The following CSMD1 variants were observed in gnomAD, a reference collection of about 807,000 sequenced individuals.
CSMD1 encodes the protein CUB and Sushi multiple domains 1.
CSMD1 carries 213 observed loss-of-function variants against 417.5 expected under a neutral mutation model. That is an observed-to-expected ratio of 0.51 (90% confidence interval 0.46 to 0.57). The LOEUF (loss-of-function observed/expected upper bound fraction) is 0.57, where lower values mean the gene tolerates loss of function less well. CSMD1 is among the 20% of genes least tolerant of loss of function. The pLI is 0.00. For missense variants in CSMD1, 6,923 were observed against 4,529.7 expected (o/e 1.53, Z -15.17); for synonymous variants, 2,862 against 1,736.8 (o/e 1.65, Z -16.11).
chr8:4,056,533 T>G (rs1261452311), intron 3 of CSMD1, among the ~76,000 whole-genome samples: 6 of 151,568 alleles, frequency 4.0e-5, no homozygotes, highest in African/African-American at 1.5e-4. Flanking sequence ...TAATTTCAAT[T>G]TTATTATTAT....
At chr8:3,128,188 C>T (rs1186214590) in intron 41 of CSMD1, 1 of 152,094 alleles carries the variant, frequency 6.6e-6, no homozygotes, top group African/African-American at 2.4e-5. Context: ...AAAAAAATAA[C>T]TATTATTCAC....
chr8:2,960,401 G>A (rs746496124), intron 62 of CSMD1, among the ~76,000 whole-genome samples: 2 of 152,144 alleles, frequency 1.3e-5, no homozygotes, highest in African/African-American at 2.4e-5. Flanking sequence ...GAGGAAGAAG[G>A]TTTTTTATTC....
At chr8:4,685,444 A>T (rs1020923349) in intron 1 of CSMD1, among the ~76,000 whole-genome samples, 1 of 151,944 alleles carries the variant, frequency 6.6e-6, no homozygotes, top group African/African-American at 2.4e-5. Context: ...GTGTGGTGGC[A>T]CGTGCCTGTA....
Position 3,964,636 on chromosome 8 carries a change from T to C in CSMD1, c.818+33267A>G, listed in dbSNP as rs35642093. On this transcript the variant is annotated intron_variant, in intron 5 of 69. Transcript: ENST00000635120. Reference sequence around the variant, plus strand: ...TTTTAGCTAGTTGCAAAGAAATATTTAAATTTGCTATTCAAGTTGAGGTGT... The same window carrying C: ...TTTTAGCTAGTTGCAAAGAAATATTCAAATTTGCTATTCAAGTTGAGGTGT... Among the ~76,000 whole-genome samples, 211 of 152,218 alleles carry C rather than the reference T, an allele frequency of 1.4e-3. 1 individual carries two copies. Among genetic ancestry groups the C allele is most frequent in the Non-Finnish European group, 1.6e-3 (110 of 68,044 alleles).
chr8:3,641,161 C>G lies in CSMD1; in HGVS notation c.1010-24364G>C, dbSNP rs1797288246. Among the ~76,000 whole-genome samples the G allele has an allele frequency of 3.3e-5, 5 of 151,190 alleles. No homozygotes were observed. In the Admixed American group the frequency reaches 3.3e-4, roughly 10 times the overall value. Reference sequence around the variant, plus strand: ...GACAGACCGGTTCTCTGAATCTGCACATGTAACATGCAATGGGTGATCACT... The same window carrying G: ...GACAGACCGGTTCTCTGAATCTGCAGATGTAACATGCAATGGGTGATCACT... On this transcript the variant is annotated intron_variant, in intron 7 of 69. Transcript: ENST00000635120.
At chr8:3,619,186 G>GA (rs1459873731) in intron 7 of CSMD1, among the ~76,000 whole-genome samples, 2 of 151,928 alleles carry the variant, frequency 1.3e-5, no homozygotes, top group East Asian at 1.9e-4. Flanking sequence ...AGCAGCTGGG[G>GA]AAAAAAATAA....
chr8:3,152,143 C>T lies in CSMD1; in HGVS notation c.5915-630G>A, dbSNP rs1034693618. ...TTCGGAAGGCAGCTAACTGCAACCA[C>T]TTTCTCCCCAGGAAATCTTATGCTG... On this transcript the variant is annotated intron_variant, in intron 39 of 69. Coordinates refer to ENST00000635120, the MANE Select transcript of CSMD1 (RefSeq NM_033225.6). Among the ~76,000 whole-genome samples the T allele has an allele frequency of 2.0e-5, 3 of 152,348 alleles. No homozygotes were observed. The South Asian group carries it at 6.2e-4, about 32-fold the overall frequency.
chr8:4,104,824 TC>T (rs1206286863), intron 3 of CSMD1, among the ~76,000 whole-genome samples: 3 of 152,332 alleles, frequency 2.0e-5, no homozygotes, highest in Admixed American at 6.5e-5. Flanking sequence ...TTTAAATGTT[TC>T]CTTGAGATCA....
rs752713936 is a variant in CSMD1 at position 2,951,247 on chromosome 8, T to A, written c.10068A>T (p.Ser3356=). 4 of 1,605,496 alleles carry A rather than the reference T, an allele frequency of 2.5e-6. No individual in the cohort carries two copies. Among genetic ancestry groups the A allele is most frequent in the Non-Finnish European group, 3.4e-6 (4 of 1,175,840 alleles). ...AATATTCATAATACCCCTTCCACAGTGAATTGACGAAAAAGACATCTGAAG... is the reference window on the plus strand; with the variant it reads ...AATATTCATAATACCCCTTCCACAGAGAATTGACGAAAAAGACATCTGAAG... ...PVPSDVFFVN[S]LWKGYYEYLG... Residue 3356 remains serine, a synonymous_variant, in exon 66 of 70, where the codon TCA becomes TCT. Transcript: ENST00000635120.
At chr8:4,517,609 A>G (rs938242276) in intron 2 of CSMD1, among the ~76,000 whole-genome samples, 17 of 152,342 alleles carry the variant, frequency 1.1e-4, no homozygotes, top group African/African-American at 3.6e-4. Context: ...TGTATTTAAC[A>G]TGCACGAGCC....
intron 2 of CSMD1, among the ~76,000 whole-genome samples, chr8:4,594,801 T>G (rs1463979815): frequency 6.6e-6 from 1 of 152,192 alleles, no homozygotes; most frequent in African/African-American, 2.4e-5. Context: ...TCATCATATT[T>G]CTGATGTTAC....
In CSMD1 at chr8:2,963,235, G is replaced by T. The variant is rs370048118; in HGVS notation, c.9441C>A (p.Ile3147=). ...TGTAGAACTTACGGAGACACTGGGG[G>T]ATCTCTCCTTTCCACACCCCGCGAC... ...CEGRGVWKGE[I]PQCLPVFCGD... is the part of the protein sequence containing the mutation. Residue 3147 remains isoleucine (I), a synonymous_variant, in exon 60 of 70, where the codon ATC becomes ATA. Coordinates refer to ENST00000635120, the MANE Select transcript of CSMD1 (RefSeq NM_033225.6). 245 of 1,613,804 alleles carry T rather than the reference G, an allele frequency of 1.5e-4. No homozygotes were observed. Among genetic ancestry groups the T allele is most frequent in the Non-Finnish European group, 2.1e-4 (242 of 1,179,872 alleles).
intron 3 of CSMD1, among the ~76,000 whole-genome samples, chr8:4,264,520 G>A (rs910697341): frequency 6.6e-6 from 1 of 152,098 alleles, no homozygotes; most frequent in Non-Finnish European, 1.5e-5. Flanking sequence ...CCCTGAAGCT[G>A]AGAAGCTCCG....
intron 7 of CSMD1, among the ~76,000 whole-genome samples, chr8:3,659,344 A>G (rs1798293593): frequency 6.6e-6 from 1 of 152,234 alleles, no homozygotes; most frequent in Admixed American, 6.5e-5. Context: ...TTCATTTTGC[A>G]CTTGCCAATC....
intron 1 of CSMD1, among the ~76,000 whole-genome samples, chr8:4,834,958 A>G (rs1409180304): frequency 3.2e-5 from 1 of 31,632 alleles, no homozygotes; most frequent in African/African-American, 6.6e-5. Flanking sequence ...CTCCATCTCA[A>G]AAAAAAAAAA....
chr8:3,776,310 C>G (rs1029652566), intron 5 of CSMD1, among the ~76,000 whole-genome samples: 3 of 152,108 alleles, frequency 2.0e-5, no homozygotes, highest in Non-Finnish European at 4.4e-5. Flanking sequence ...CACATACAAC[C>G]CAAATTAGAT....
At chr8:4,761,898 T>TCTATCTAC (rs1563319511) in intron 1 of CSMD1, among the ~76,000 whole-genome samples, 15 of 88,292 alleles carry the variant, frequency 1.7e-4, no homozygotes, top group East Asian at 7.0e-4. Context: ...TACCTACCTA[T>TCTATCTAC]CTATCTATCT....
At chr8:4,040,396 G>A (rs917419864) in intron 3 of CSMD1, among the ~76,000 whole-genome samples, 1 of 152,156 alleles carries the variant, frequency 6.6e-6, no homozygotes, top group African/African-American at 2.4e-5. Context: ...CATGCTGCAG[G>A]GAGATCAAGT....
intron 8 of CSMD1, among the ~76,000 whole-genome samples, chr8:3,604,183 A>T (rs942292478): frequency 1.3e-5 from 2 of 152,204 alleles, no homozygotes; most frequent in African/African-American, 4.8e-5. Flanking sequence ...TTGTGGGCAG[A>T]TAGAAAATAT....
Sources: gnomAD v4.1 joint callset for allele counts (sites outside exome capture counted in the v4.1 genomes callset) on GRCh38, gnomAD v4.1.1 for gene constraint, MANE v1.5 for transcripts, NCBI Gene and HGNC (gene_info 2026-07-23, HGNC 2026-07-21) for gene names.